Variants in TFAP2E observed in about 807,000 individuals in gnomAD.
The protein encoded by TFAP2E is transcription factor AP-2-epsilon.
Under a neutral mutation model 37.9 loss-of-function variants are expected in TFAP2E, and 30 were observed. That is an observed-to-expected ratio of 0.79 (90% confidence interval 0.59 to 1.07). TFAP2E has a LOEUF of 1.07. Among genes scored for constraint, TFAP2E ranks in the 50% least tolerant of loss-of-function variants. The pLI, the probability that TFAP2E is intolerant of heterozygous loss-of-function variation, is 0.00. For synonymous variants in TFAP2E, 318 were observed against 295.8 expected, an observed-to-expected ratio of 1.08 and a Z score of -0.77; for missense variants, 567 against 637.9, an observed-to-expected ratio of 0.89 and a Z score of 1.20.
At chr1:35,584,274 A>T (rs191293141) in intron 3 of TFAP2E, among the ~76,000 whole-genome samples, 1,587 of 151,560 alleles carry the variant, frequency 0.01, 24 homozygotes, top group East Asian at 0.064. Flanking sequence ...ACTTAAAAAA[A>T]TTTTTTTTTG....
rs1232598159 is a variant in TFAP2E at position 35,573,846 on chromosome 1, C to T, written c.28-81C>T. The T allele has an allele frequency of 7.2e-7, 1 of 1,394,702 alleles. No homozygotes were observed. The highest frequency in any genetic ancestry group is 9.3e-7 in the Non-Finnish European group (1 of 1,080,250). 86.4% of individuals were successfully genotyped at this position (1,394,702 alleles called of 1,614,324 possible). On this transcript the variant is annotated intron_variant, in intron 1 of 6. Transcript: ENST00000373235. This position sits in a 1 kb window ranked among gnomAD's most constrained non-coding sequence, Gnocchi z 5.9. The stretch of plus-strand genomic sequence containing the variant: ...ACGGGAGGGACTGCAGCTGAACCCT[C>T]CCGAGCTGAGGAGGATCCTTTCAGG...
At chr1:35,580,677 A>G (rs1649324343) in intron 3 of TFAP2E, among the ~76,000 whole-genome samples, 2 of 151,998 alleles carry the variant, frequency 1.3e-5, no homozygotes, top group African/African-American at 4.8e-5. Flanking sequence ...CGGGAGGCTG[A>G]GGCAGGAGAA....
At chr1:35,591,810 C>T (rs942458565) in intron 6 of TFAP2E, among the ~76,000 whole-genome samples, 4 of 152,220 alleles carry the variant, frequency 2.6e-5, no homozygotes, top group Non-Finnish European at 5.9e-5. Context: ...TCTCAGCCTC[C>T]CGAGTAGCTG....
chr1:35,581,576 C>CT (rs34241641), intron 3 of TFAP2E, among the ~76,000 whole-genome samples: 4,745 of 141,886 alleles, frequency 0.033, 179 homozygotes, highest in African/African-American at 0.092. Context: ...TCTTTTTTTT[C>CT]TTTTTTTTTT....
chr1:35,575,027 C>T (rs765092735), intron 3 of TFAP2E, 27 bp downstream of exon 3: 1 of 1,613,522 alleles, frequency 6.2e-7, no homozygotes, highest in East Asian at 2.2e-5. Flanking sequence ...CAGGGCAGAG[C>T]CCGGCGAGAT....
At chr1:35,593,920 T>G (rs1157622917) in intron 6 of TFAP2E, among the ~76,000 whole-genome samples, 3 of 152,216 alleles carry the variant, frequency 2.0e-5, no homozygotes, top group Non-Finnish European at 4.4e-5. Flanking sequence ...AGACTTGTTA[T>G]GAAGATTAAG....
At chr1:35,591,811 C>T (rs546167543) in intron 6 of TFAP2E, among the ~76,000 whole-genome samples, 7 of 152,040 alleles carry the variant, frequency 4.6e-5, no homozygotes, top group African/African-American at 1.2e-4. Context: ...CTCAGCCTCC[C>T]GAGTAGCTGG....
At chr1:35,587,653 A>AAG (rs1553121945) in intron 3 of TFAP2E, among the ~76,000 whole-genome samples, 7 of 147,790 alleles carry the variant, frequency 4.7e-5, no homozygotes, top group Admixed American at 1.3e-4. Context: ...AAAAAAAAAA[A>AAG]AAAGAAAGAA....
chr1:35,590,915 G>C lies in TFAP2E; in HGVS notation c.1046+140G>C. ...CGCACCACTGTGTACACGAGCAGTG[G>C]GCACACACACATACGTGCGCACCAC... On this transcript the variant is annotated intron_variant, in intron 6 of 6. Coordinates refer to ENST00000373235, the MANE Select transcript of TFAP2E (RefSeq NM_178548.4). The surrounding 1 kb of genome is among the most constrained non-coding windows in gnomAD (Gnocchi z 6.2). 1.0e-6 allele frequency: 1 copy of C among 1,003,624 alleles called. No individual in the cohort carries two copies. The highest frequency in any genetic ancestry group is 3.9e-5 in the Admixed American group (1 of 25,642). The allele number at this position is 1,003,624 out of a possible 1,614,324, so 62.2% of individuals were successfully genotyped here.
chr1:35,581,245 T>C (rs1228026619), intron 3 of TFAP2E, among the ~76,000 whole-genome samples: 4 of 152,242 alleles, frequency 2.6e-5, no homozygotes, highest in Non-Finnish European at 5.9e-5. Flanking sequence ...TGTTTCTTTT[T>C]ATTGCTTCAT....
At chr1:35,584,952 A>G (rs918827798) in intron 3 of TFAP2E, among the ~76,000 whole-genome samples, 4 of 152,080 alleles carry the variant, frequency 2.6e-5, no homozygotes, top group Non-Finnish European at 5.9e-5. Flanking sequence ...ATATTCACTC[A>G]TGGCCACCTG....
In TFAP2E at chr1:35,588,473, G is replaced by A. The variant is rs1649553814; in HGVS notation, c.706G>A (p.Val236Met). The change falls in exon 4 of 7, where the codon GTG becomes ATG. Residue 236 changes from valine to methionine, a missense_variant. Physicochemically the swap from Val to Met is conservative, Grantham distance 21 (BLOSUM62 1). Transcript: ENST00000373235. The surrounding 1 kb of genome is among the most constrained non-coding windows in gnomAD (Gnocchi z 5.1). ...GCTCAGCTCAACGTCCAAGTACAAG[G>A]TGACGGTGGGGGAGGTGCAGCGGCG... is the stretch of plus-strand genomic sequence containing the variant. ...SLLSSTSKYKVTVGEVQRRLS... is the reference protein window; with the variant it reads ...SLLSSTSKYKMTVGEVQRRLS... 3 of 1,609,780 alleles carry A rather than the reference G, an allele frequency of 1.9e-6. No individual in the cohort carries two copies. Among genetic ancestry groups the A allele is most frequent in the East Asian group, 2.2e-5 (1 of 44,864 alleles).
intron 4 of TFAP2E, 31 bp from the exon 5 acceptor site, chr1:35,589,899 T>C (rs1450771466): frequency 3.1e-6 from 5 of 1,608,758 alleles, no homozygotes; most frequent in Non-Finnish European, 4.3e-6. Context: ...TCTTCATAGT[T>C]GTATGTCTGT....
intron 3 of TFAP2E, among the ~76,000 whole-genome samples, chr1:35,587,036 G>C (rs1649501549): frequency 6.6e-6 from 1 of 152,184 alleles, no homozygotes; most frequent in Admixed American, 6.5e-5. Context: ...AATGGGAATA[G>C]TGATAAGTGT....
intron 3 of TFAP2E, among the ~76,000 whole-genome samples, chr1:35,586,652 AGTGATGGATGGGATGTG>A (rs1245012891): frequency 1.4e-4 from 22 of 152,120 alleles, no homozygotes; most frequent in African/African-American, 4.6e-4. Flanking sequence ...TGTAGGATCT[AGTGATGGATGGGATGTG>A]GTGATGGATG....
chr1:35,589,997 G>C lies in TFAP2E; in HGVS notation c.853G>C (p.Ala285Pro). ...AGAGAAGATTGGGCTCAACCTGCCAGCTGGCCGTCGCAAGGCCGCCAATGT... is the reference window on the plus strand; with the variant it reads ...AGAGAAGATTGGGCTCAACCTGCCACCTGGCCGTCGCAAGGCCGCCAATGT... Reference protein sequence around the residue: ...RLEKIGLNLPAGRRKAANVTL... With the variant: ...RLEKIGLNLPPGRRKAANVTL... Residue 285 changes from alanine (A) to proline (P), a missense_variant, in exon 5 of 7, where the codon GCT becomes CCT. Ala to Pro is a conservative substitution (Grantham distance 27). Transcript: ENST00000373235. 1 of 1,614,142 alleles carries C rather than the reference G, an allele frequency of 6.2e-7. No homozygotes were observed. The highest frequency in any genetic ancestry group is 8.5e-7 in the Non-Finnish European group (1 of 1,179,990).
At chr1:35,586,416 C>T (rs1276721982) in intron 3 of TFAP2E, among the ~76,000 whole-genome samples, 1 of 152,078 alleles carries the variant, frequency 6.6e-6, no homozygotes, top group East Asian at 1.9e-4. Context: ...GGGAACTGAC[C>T]GGGCTCTGAT....
At chr1:35,591,063 C>G (rs946365003) in intron 6 of TFAP2E, among the ~76,000 whole-genome samples, 1 of 152,140 alleles carries the variant, frequency 6.6e-6, no homozygotes, top group Non-Finnish European at 1.5e-5. Context: ...GTACCTGCGG[C>G]CCATGTGGCA....
chr1:35,578,363 G>C (rs972910975), intron 3 of TFAP2E, among the ~76,000 whole-genome samples: 4 of 151,544 alleles, frequency 2.6e-5, no homozygotes, highest in Non-Finnish European at 5.9e-5. Flanking sequence ...GGGAGGCGGA[G>C]ATTGCAGTGA....
Sources: allele counts gnomAD v4.1 joint callset (sites outside exome capture counted in the v4.1 genomes callset), GRCh38; gene constraint gnomAD v4.1.1; non-coding constraint Gnocchi (gnomAD v3.1); transcripts MANE v1.5; gene names NCBI Gene and HGNC (gene_info 2026-07-23, HGNC 2026-07-21).